Variants in RERE observed in about 807,000 individuals in gnomAD.
RERE encodes the protein arginine-glutamic acid dipeptide repeats protein.
A neutral mutation model predicts 146.1 loss-of-function variants in RERE; 40 were observed. The ratio of observed to expected loss-of-function variants is 0.27; its 90% confidence interval spans 0.21 to 0.36. The LOEUF is 0.36. Among genes scored for constraint, RERE ranks in the 10% least tolerant of loss-of-function variants. RERE has a pLI of 1.00. For synonymous variants in RERE, 1,003 were observed against 866.0 expected (o/e 1.16, Z -2.78); for missense variants, 1,933 against 2,138.7 (o/e 0.90, Z 1.90).
At chr1:8,726,309 G>A (rs540934852) in intron 1 of RERE, among the ~76,000 whole-genome samples, 10 of 151,596 alleles carry the variant, frequency 6.6e-5, no homozygotes, top group Admixed American at 2.6e-4. Context: ...ACGCCACCAC[G>A]CTCGGTTAAT....
chr1:8,419,992 G>A (rs944748048), intron 12 of RERE, among the ~76,000 whole-genome samples: 2 of 152,194 alleles, frequency 1.3e-5, no homozygotes, highest in African/African-American at 4.8e-5. Context: ...AAGGCAGACT[G>A]CACAATTAAA....
chr1:8,391,718 C>A (rs989882384), intron 12 of RERE, among the ~76,000 whole-genome samples: 1 of 152,120 alleles, frequency 6.6e-6, no homozygotes, highest in African/African-American at 2.4e-5. Flanking sequence ...TAATTATTCA[C>A]CTAATCTGTC....
chr1:8,529,750 C>G (rs964904710), intron 7 of RERE, among the ~76,000 whole-genome samples: 2 of 152,152 alleles, frequency 1.3e-5, no homozygotes, highest in Admixed American at 1.3e-4. Context: ...AATATAGGAT[C>G]AGTCCTCCTC....
Position 8,487,952 on chromosome 1 carries a change from A to C in RERE, c.1104+7111T>G, listed in dbSNP as rs77602742. 9.7e-3 allele frequency among the ~76,000 whole-genome samples: 1,474 copies of C among 152,288 alleles called. 24 individuals are homozygous for C. Among genetic ancestry groups the C allele is most frequent in the African/African-American group, 0.034 (1,430 of 41,538 alleles). On this transcript the variant is annotated intron_variant, in intron 10 of 22. Transcript: ENST00000400908. ...CCCAAAAAATCTTATTGTAAGAAGT[A>C]AAAGAAAGCGGGGCATGGTGGCATG...
At chr1:8,565,027 C>G (rs1646135906) in intron 4 of RERE, among the ~76,000 whole-genome samples, 1 of 151,964 alleles carries the variant, frequency 6.6e-6, no homozygotes, top group Admixed American at 6.6e-5. Context: ...ACTCAAACAA[C>G]CCAACTCACA....
At position 8,559,925 on chromosome 1, in the gene RERE, T is replaced by A. The variant is rs541916524; in HGVS notation, c.523-2402A>T. 6.6e-5 allele frequency among the ~76,000 whole-genome samples: 10 copies of A among 152,180 alleles called. No homozygotes were observed. The South Asian group carries it at 1.0e-3, about 16-fold the overall frequency. ...GAGAGCAGCTAGAAAGTGTAGGAGA[T>A]CAGGATATACCACCTCAAAATATGC... On this transcript the variant is annotated intron_variant, in intron 4 of 22. Transcript: ENST00000400908.
chr1:8,400,222 A>ATATATGTGTGTGTGTGTG (rs368219880), intron 12 of RERE, among the ~76,000 whole-genome samples: 20 of 140,062 alleles, frequency 1.4e-4, no homozygotes, highest in South Asian at 4.8e-4. Context: ...CCTGTGTCAT[A>ATATATGTGTGTGTGTGTG]TGTGTGTGTG....
chr1:8,773,153 TAAAAG>T (rs139958294), intron 1 of RERE, among the ~76,000 whole-genome samples: 1,904 of 152,244 alleles, frequency 0.013, 43 homozygotes, highest in African/African-American at 0.043. Context: ...CAACTAAACT[TAAAAG>T]AAAAAGAATT....
Position 8,359,769 on chromosome 1 carries a change from C to G in RERE, c.3613G>C (p.Ala1205Pro), listed in dbSNP as rs1170279764. 9 of 1,600,132 alleles carry G rather than the reference C, an allele frequency of 5.6e-6. No individual in the cohort carries two copies. The highest frequency in any genetic ancestry group is 7.6e-6 in the Non-Finnish European group (9 of 1,179,418). The change falls in exon 19 of 23, where the codon GCG (alanine) becomes CCG (proline). Residue 1205 changes from alanine (A) to proline (P), a missense_variant. This residue lies in a region of RERE where 1,255 missense variants were observed against 1,153.8 expected (regional missense o/e 1.09). Coordinates refer to ENST00000400908, the MANE Select transcript of RERE (RefSeq NM_001042681.2). ...CTCGCCAACCCTGGACTCACAGCCG[C>G]CCGCTCTGCCTCGCGCTCCCGCTCT... Reference protein sequence around the residue: ...EREREREAERAAKASSSAHEG... With the variant: ...EREREREAERPAKASSSAHEG...
chr1:8,726,079 T>C (rs905644994), intron 1 of RERE, among the ~76,000 whole-genome samples: 1 of 151,942 alleles, frequency 6.6e-6, no homozygotes. Context: ...TCCACAAATG[T>C]CTGAAAAGCA....
intron 1 of RERE, among the ~76,000 whole-genome samples, chr1:8,710,756 C>T (rs923359965): frequency 6.6e-6 from 1 of 152,102 alleles, no homozygotes; most frequent in Non-Finnish European, 1.5e-5. Flanking sequence ...ACCTCTTGAT[C>T]CGCCTGCCTC....
chr1:8,615,802 A>G (rs1325877052), intron 3 of RERE, among the ~76,000 whole-genome samples: 1 of 152,180 alleles, frequency 6.6e-6, no homozygotes, highest in African/African-American at 2.4e-5. Flanking sequence ...ACACACACAC[A>G]CAAAACAAAA....
intron 2 of RERE, among the ~76,000 whole-genome samples, chr1:8,651,515 G>C (rs751340093): frequency 2.6e-5 from 4 of 152,082 alleles, no homozygotes; most frequent in Non-Finnish European, 5.9e-5. Context: ...AAGTGGGTGA[G>C]GATAATGGTT....
At chr1:8,816,903 T>C (rs1210175865) in intron 1 of RERE, among the ~76,000 whole-genome samples, 5 of 151,930 alleles carry the variant, frequency 3.3e-5, no homozygotes, top group South Asian at 4.1e-4. Context: ...CTCAAACAAG[T>C]AGAACAAGAG....
intron 11 of RERE, among the ~76,000 whole-genome samples, chr1:8,428,894 T>TC (rs1402310624): frequency 6.6e-6 from 1 of 152,084 alleles, no homozygotes; most frequent in Non-Finnish European, 1.5e-5. Flanking sequence ...CCTGTCATAG[T>TC]CCCCCAAGCC....
chr1:8,614,362 G>A (rs1646826958), intron 4 of RERE, among the ~76,000 whole-genome samples, 199 bp downstream of exon 4: 1 of 151,926 alleles, frequency 6.6e-6, no homozygotes, highest in South Asian at 2.1e-4. Flanking sequence ...ACCAAACCCC[G>A]CTAACTTCTG....
At chr1:8,413,244 CAT>C (rs1204682258) in intron 12 of RERE, among the ~76,000 whole-genome samples, 3 of 151,994 alleles carry the variant, frequency 2.0e-5, no homozygotes, top group Non-Finnish European at 4.4e-5. Context: ...TATATAAATA[CAT>C]ATATGCATTC....
At chr1:8,523,665 A>T (rs867868973) in intron 7 of RERE, among the ~76,000 whole-genome samples, 1 of 20,826 alleles carries the variant, frequency 4.8e-5, no homozygotes, top group Non-Finnish European at 9.8e-5. Context: ...TACCACACTC[A>T]TTAGAGTTAC....
chr1:8,608,802 TTGAC>T (rs1259362594), intron 4 of RERE, among the ~76,000 whole-genome samples: 3 of 152,208 alleles, frequency 2.0e-5, no homozygotes, highest in African/African-American at 7.2e-5. Context: ...TAAGAATAAA[TTGAC>T]TGGGCACAGT....
Sources: gnomAD v4.1 joint callset for allele counts (sites outside exome capture counted in the v4.1 genomes callset) on GRCh38, gnomAD v4.1.1 for gene constraint, gnomAD v4.1.1 regional missense constraint, MANE v1.5 for transcripts, NCBI Gene and HGNC (gene_info 2026-07-23, HGNC 2026-07-21) for gene names.